LGR5: variants seen among roughly 807,000 people sequenced by gnomAD.
LGR5 encodes leucine-rich repeat-containing G protein-coupled receptor 5.
A neutral mutation model predicts 76.7 loss-of-function variants in LGR5; 54 were observed. The ratio of observed to expected loss-of-function variants is 0.70; its 90% CI spans 0.57 to 0.88. The LOEUF (loss-of-function observed/expected upper bound fraction) is 0.88. Among genes scored for constraint, LGR5 ranks in the 40% least tolerant of loss-of-function variants. The pLI is 0.00. For synonymous variants in LGR5, 406 were observed against 421.9 expected, an observed-to-expected ratio of 0.96 and a Z score of 0.46; for missense variants, 1,078 against 1,073.3, an observed-to-expected ratio of 1.00 and a Z score of -0.06.
intron 1 of LGR5, among the ~76,000 whole-genome samples, chr12:71,461,288 A>G (rs1255287474): frequency 1.3e-5 from 2 of 152,168 alleles, no homozygotes; most frequent in African/African-American, 2.4e-5. Flanking sequence ...TCATTCAGCA[A>G]ATTTTTATTG....
intron 1 of LGR5, among the ~76,000 whole-genome samples, chr12:71,456,652 C>A (rs1204190113): frequency 6.6e-6 from 1 of 151,898 alleles, no homozygotes; most frequent in African/African-American, 2.4e-5. Context: ...GCAAGATTTA[C>A]TGTTAATTTA....
chr12:71,550,687 CTCCTGACCT>C (rs1375126605), intron 4 of LGR5, among the ~76,000 whole-genome samples: 2 of 152,098 alleles, frequency 1.3e-5, no homozygotes, highest in Non-Finnish European at 2.9e-5. Flanking sequence ...TGGTCTGGAA[CTCCTGACCT>C]CAGGTGATCT....
chr12:71,530,611 T>TA (rs970384190), intron 3 of LGR5, among the ~76,000 whole-genome samples: 19 of 151,990 alleles, frequency 1.3e-4, no homozygotes, highest in African/African-American at 4.1e-4. Flanking sequence ...TTGGCCCTAA[T>TA]AAAAAAAATA....
At chr12:71,490,595 T>C (rs1207445504) in intron 1 of LGR5, among the ~76,000 whole-genome samples, 1 of 152,140 alleles carries the variant, frequency 6.6e-6, no homozygotes, top group Middle Eastern at 3.2e-3. Context: ...AAAGTTTCAT[T>C]TCCTAACACT....
chr12:71,540,495 C>T (rs1045398883), intron 4 of LGR5, among the ~76,000 whole-genome samples: 1 of 152,174 alleles, frequency 6.6e-6, no homozygotes, highest in Non-Finnish European at 1.5e-5. Context: ...CTGCCTGGCA[C>T]ACCAGCTGCC....
At chr12:71,527,584 G>A (rs1041810834) in intron 3 of LGR5, among the ~76,000 whole-genome samples, 7 of 152,130 alleles carry the variant, frequency 4.6e-5, no homozygotes, top group Admixed American at 6.5e-5. Context: ...TTTTTAAGGC[G>A]ATAATACAAA....
chr12:71,583,954 A>G lies in LGR5; in HGVS notation c.1944A>G (p.Ser648=), dbSNP rs1167449931. Residue 648 remains serine, a synonymous_variant, in exon 18 of 18, where the codon TCA becomes TCG. Coordinates refer to ENST00000266674, the MANE Select transcript of LGR5 (RefSeq NM_003667.4). ...HVIGFLSIFA[S]ESSVFLLTLA... is the part of the protein sequence containing the mutation. ...TTGGTTTTTTGTCCATTTTTGCTTC[A>G]GAATCATCTGTTTTCCTGCTTACTC... is the stretch of plus-strand genomic sequence containing the variant. 6.2e-7 allele frequency: 1 copy of G among 1,614,040 alleles called. No homozygotes were observed. The highest frequency in any genetic ancestry group is 1.3e-5 in the African/African-American group (1 of 74,902).
chr12:71,549,810 G>A (rs561257332), intron 4 of LGR5, among the ~76,000 whole-genome samples: 1 of 152,320 alleles, frequency 6.6e-6, no homozygotes, highest in African/African-American at 2.4e-5. Flanking sequence ...ATGCTGTTGA[G>A]CATTAAATCT....
intron 1 of LGR5, among the ~76,000 whole-genome samples, chr12:71,497,660 A>G (rs1424016667): frequency 6.6e-6 from 1 of 152,218 alleles, no homozygotes; most frequent in Non-Finnish European, 1.5e-5. Context: ...AAGTGCTGGA[A>G]TGGCTCCAGC....
At chr12:71,469,317 A>T (rs1872991727) in intron 1 of LGR5, among the ~76,000 whole-genome samples, 1 of 152,220 alleles carries the variant, frequency 6.6e-6, no homozygotes, top group Non-Finnish European at 1.5e-5. Flanking sequence ...ACACTTTGTC[A>T]TTGCCTTCTT....
chr12:71,554,246 T>A (rs922297950), intron 5 of LGR5, among the ~76,000 whole-genome samples: 3 of 152,142 alleles, frequency 2.0e-5, no homozygotes, highest in Non-Finnish European at 4.4e-5. Context: ...ATTTGTTGGG[T>A]CAGGGATGAA....
chr12:71,577,187 A>G (rs978597528), intron 13 of LGR5, among the ~76,000 whole-genome samples: 1 of 152,226 alleles, frequency 6.6e-6, no homozygotes, highest in Non-Finnish European at 1.5e-5. Flanking sequence ...TTAGTCATTT[A>G]CAAAAATTAA....
At chr12:71,539,168 T>A (rs1202347644) in intron 4 of LGR5, among the ~76,000 whole-genome samples, 1 of 152,162 alleles carries the variant, frequency 6.6e-6, no homozygotes, top group Non-Finnish European at 1.5e-5. Context: ...AAATCCTAGG[T>A]GATTCGTAGG....
intron 11 of LGR5, among the ~76,000 whole-genome samples, chr12:71,569,987 A>G (rs1383522002): frequency 6.6e-6 from 1 of 152,212 alleles, no homozygotes; most frequent in African/African-American, 2.4e-5. Context: ...CATAAGAAGA[A>G]ATCAGATCAT....
At chr12:71,570,443 G>A (rs1345177661) in intron 11 of LGR5, among the ~76,000 whole-genome samples, 1 of 152,176 alleles carries the variant, frequency 6.6e-6, no homozygotes, top group Non-Finnish European at 1.5e-5. Flanking sequence ...CAATGAAGGA[G>A]TATCCCCTTT....
At chr12:71,483,454 G>A (rs1410025891) in intron 1 of LGR5, among the ~76,000 whole-genome samples, 2 of 152,200 alleles carry the variant, frequency 1.3e-5, no homozygotes, top group African/African-American at 4.8e-5. Flanking sequence ...AAGTGGAGAG[G>A]AGACTTTTTC....
intron 4 of LGR5, among the ~76,000 whole-genome samples, chr12:71,535,859 T>C (rs1876558764): frequency 6.6e-6 from 1 of 152,222 alleles, no homozygotes; most frequent in African/African-American, 2.4e-5. Context: ...AGGAGTTTCC[T>C]ACCCCCCTAC....
intron 3 of LGR5, among the ~76,000 whole-genome samples, chr12:71,533,093 C>T (rs965538657): frequency 6.6e-6 from 1 of 152,034 alleles, no homozygotes. Flanking sequence ...TTACAGAATC[C>T]CAGAACTTTG....
At chr12:71,488,212 T>A (rs1440777732) in intron 1 of LGR5, among the ~76,000 whole-genome samples, 1 of 152,190 alleles carries the variant, frequency 6.6e-6, no homozygotes, top group Admixed American at 6.5e-5. Flanking sequence ...TTTGAACATT[T>A]TGTATTAAAT....
Sources: allele counts gnomAD v4.1 joint callset (sites outside exome capture counted in the v4.1 genomes callset), GRCh38; gene constraint gnomAD v4.1.1; transcripts MANE v1.5; gene names NCBI Gene and HGNC (gene_info 2026-07-23, HGNC 2026-07-21).